NEB: variants seen among roughly 807,000 people sequenced by gnomAD.
NEB encodes nebulin.
A neutral mutation model predicts 952.2 loss-of-function variants in NEB; 512 were observed. The ratio of observed to expected loss-of-function variants is 0.54; its 90% CI spans 0.50 to 0.58. The LOEUF is 0.58. Ranked by LOEUF, NEB falls within the 20% of genes least tolerant of loss-of-function variation. The pLI is 0.00. For missense variants in NEB, 8,428 were observed against 9,231.1 expected (o/e 0.91, Z 3.56); for synonymous variants, 2,900 against 3,149.8 (o/e 0.92, Z 2.66).
intron 146 of NEB, 102 bp downstream of exon 146, chr2:151,529,108 A>G (rs931607854): frequency 2.4e-5 from 19 of 779,552 alleles, no homozygotes; most frequent in Middle Eastern, 4.5e-4. Context: ...TTTGGAATCA[A>G]TCACTAGAGC....
chr2:151,687,008 T>G (rs551346874), intron 27 of NEB, among the ~76,000 whole-genome samples: 1 of 152,226 alleles, frequency 6.6e-6, no homozygotes, highest in Non-Finnish European at 1.5e-5. Flanking sequence ...ATTACTAAAG[T>G]CAATGAAGAA....
rs199594449 is a variant in NEB, at chr2:151,565,117, T to C, written c.18398A>G (p.Lys6133Arg). 3.4e-4 allele frequency: 540 copies of C among 1,590,828 alleles called. No individual in the cohort carries two copies. Among genetic ancestry groups the C allele is most frequent in the Non-Finnish European group, 4.5e-4 (521 of 1,163,334 alleles). ...ATCTGGTGAAAACGTATATTTGCCCTTTGCTTTATTAAATGTTTCTTTATA... is the reference window on the plus strand; with the variant it reads ...ATCTGGTGAAAACGTATATTTGCCCCTTGCTTTATTAAATGTTTCTTTATA... ...VKYKETFNKAKGKYTFSPDTP... is the reference protein window; with the variant it reads ...VKYKETFNKARGKYTFSPDTP... The change falls in exon 117 of 182, where the codon AAG becomes AGG. Residue 6133 changes from lysine to arginine, a missense_variant. By Grantham distance (26) the Lys-to-Arg change is conservative. Coordinates refer to ENST00000397345, the MANE Select transcript of NEB (RefSeq NM_001164508.2).
intron 17 of NEB, among the ~76,000 whole-genome samples, chr2:151,695,888 G>A (rs2149309164): frequency 1.3e-5 from 2 of 152,236 alleles, no homozygotes; most frequent in Middle Eastern, 6.8e-3. Context: ...GGACCCTAAG[G>A]GAATGAGGTG....
At chr2:151,533,779 CTTACG>C (rs1003955037) in intron 142 of NEB, among the ~76,000 whole-genome samples, 25 of 152,208 alleles carry the variant, frequency 1.6e-4, no homozygotes, top group Non-Finnish European at 1.3e-4. Context: ...GCTAGTTTCA[CTTACG>C]TTACCACCAA....
chr2:151,690,469 C>A, intron 24 of NEB: 2 of 365,896 alleles, frequency 5.5e-6, no homozygotes, highest in East Asian at 5.9e-5. Flanking sequence ...TGTGACAGAT[C>A]CTAATGAATA....
Position 151,485,595 on chromosome 2 carries a change from A to T in NEB, c.*165T>A. 1 of 568,550 alleles carries T rather than the reference A, an allele frequency of 1.8e-6. No homozygotes were observed. Among genetic ancestry groups the T allele is most frequent in the South Asian group, 4.3e-5 (1 of 23,076 alleles). The allele number at this position is 568,550 out of a possible 1,614,324, so 35.2% of individuals were successfully genotyped here. On this transcript the variant is annotated 3_prime_UTR_variant, in exon 182 of 182. Coordinates refer to ENST00000397345, the MANE Select transcript of NEB (RefSeq NM_001164508.2). ...AAGCTTTTAAAGTGTCTGTTCTGCA[A>T]CTTATTTTAAAACCCAAAGGAGAAA...
intron 17 of NEB, among the ~76,000 whole-genome samples, chr2:151,696,209 G>A (rs2099594952): frequency 6.6e-6 from 1 of 152,102 alleles, no homozygotes; most frequent in African/African-American, 2.4e-5. Context: ...ACTAGGGAGA[G>A]AGAAATTCAT....
intron 80 of NEB, 123 bp from the exon 81 acceptor site, chr2:151,610,243 AT>A: frequency 2.4e-6 from 2 of 825,570 alleles, no homozygotes; most frequent in Non-Finnish European, 1.8e-6. Flanking sequence ...TCTCTGAACT[AT>A]TATATTTAAA....
Position 151,663,559 on chromosome 2 carries a change from T to C in NEB, c.5752A>G (p.Ile1918Val). 1 of 1,608,292 alleles carries C rather than the reference T, an allele frequency of 6.2e-7. No homozygotes were observed. The highest frequency in any genetic ancestry group is 1.1e-5 in the South Asian group (1 of 90,848). ...SFELAKNMMQ[I>V]QSDNQYKADY... Reference sequence around the variant, plus strand: ...TGGTTTTCACGTACATCACTTTGAATCTGCATCATATTTTTGGCCAATTCA... The same window carrying C: ...TGGTTTTCACGTACATCACTTTGAACCTGCATCATATTTTTGGCCAATTCA... Residue 1918 changes from isoleucine (I) to valine (V), a missense_variant, in exon 45 of 182, where the codon ATT becomes GTT. Coordinates refer to ENST00000397345, the MANE Select transcript of NEB (RefSeq NM_001164508.2).
chr2:151,529,201 G>T lies in NEB; in HGVS notation c.21735+9C>A. The T allele has an allele frequency of 6.3e-7, 1 of 1,590,448 alleles. No individual in the cohort carries two copies. Among genetic ancestry groups the T allele is most frequent in the Non-Finnish European group, 8.6e-7 (1 of 1,158,714 alleles). On this transcript the variant is annotated intron_variant, in intron 146 of 181. Coordinates refer to ENST00000397345, the MANE Select transcript of NEB (RefSeq NM_001164508.2). The stretch of plus-strand genomic sequence containing the variant: ...CCCCACCATGCTTGGGGAAGTTTCT[G>T]GAACTTACATTGGTGTTGACTTTGT...
intron 124 of NEB, among the ~76,000 whole-genome samples, chr2:151,555,639 T>C (rs2095602498): frequency 6.6e-6 from 1 of 152,142 alleles, no homozygotes; most frequent in Admixed American, 6.5e-5. Flanking sequence ...GAGACTAAGA[T>C]CCAATCTCAT....
chr2:151,531,763 A>C (rs2091212643), intron 144 of NEB, 29 bp downstream of exon 144: 2 of 1,529,308 alleles, frequency 1.3e-6, no homozygotes, highest in East Asian at 2.3e-5. Context: ...CCTGAGTTTG[A>C]GAAGGTATTC....
At chr2:151,664,210 G>T (rs1405836740) in intron 44 of NEB, among the ~76,000 whole-genome samples, 2 of 152,206 alleles carry the variant, frequency 1.3e-5, no homozygotes, top group African/African-American at 4.8e-5. Flanking sequence ...CTGGCCATGG[G>T]CCTCCTGGTA....
At chr2:151,639,426 G>C (rs1217279136) in intron 62 of NEB, 42 bp from the exon 63 acceptor site, 1 of 1,415,104 alleles carries the variant, frequency 7.1e-7, no homozygotes, top group East Asian at 2.5e-5. Context: ...AAAAAGTTCT[G>C]TGTATAGTTA....
chr2:151,508,056 CA>C lies in NEB; in HGVS notation c.23399del (p.Leu7800TrpfsTer44). On this transcript the variant is annotated frameshift_variant, in exon 162 of 182. Coordinates refer to ENST00000397345, the MANE Select transcript of NEB (RefSeq NM_001164508.2). LOFTEE classifies it high-confidence loss of function. The part of the protein sequence containing the change: ...EKSMSYYETV[L>X]DTPEIQRVRE... ...GGACTCTCTGTATCTCTGGGGTGTCCAAAACAGTCTCATAATACGACATGGA... is the reference window on the plus strand; with the variant it reads ...GGACTCTCTGTATCTCTGGGGTGTCCAAACAGTCTCATAATACGACATGGA... 6.2e-7 allele frequency: 1 copy of C among 1,611,184 alleles called. No individual in the cohort carries two copies. Among genetic ancestry groups the C allele is most frequent in the Non-Finnish European group, 8.5e-7 (1 of 1,178,604 alleles).
chr2:151,499,328 T>C lies in NEB; in HGVS notation c.24084A>G (p.Arg8028=), dbSNP rs2062684554. 6.5e-7 allele frequency: 1 copy of C among 1,537,990 alleles called. No homozygotes were observed. The highest frequency in any genetic ancestry group is 8.8e-7 in the Non-Finnish European group (1 of 1,139,216). ...IPIPITPEME[R]VKHNQENFSS... Reference sequence around the variant, plus strand: ...TAAAGTTTTCTTGATTGTGTTTGACTCTCTCCATCTCTGGAGTGATGGGGA... The same window carrying C: ...TAAAGTTTTCTTGATTGTGTTTGACCCTCTCCATCTCTGGAGTGATGGGGA... The change falls in exon 169 of 182, where the codon AGA becomes AGG. Residue 8028 remains arginine (R), a synonymous_variant. Transcript: ENST00000397345.
chr2:151,696,930 G>C (rs1189234630), intron 16 of NEB, among the ~76,000 whole-genome samples, 195 bp from the exon 17 acceptor site: 1 of 152,154 alleles, frequency 6.6e-6, no homozygotes, highest in Non-Finnish European at 1.5e-5. Flanking sequence ...ATATCTTCGG[G>C]TTTCCAATAA....
chr2:151,511,415 G>GA (rs1392228419), intron 161 of NEB, among the ~76,000 whole-genome samples: 1 of 152,110 alleles, frequency 6.6e-6, no homozygotes, highest in African/African-American at 2.4e-5. Context: ...GTAAAGGGTT[G>GA]AAATCCTTGA....
intron 85 of NEB, among the ~76,000 whole-genome samples, chr2:151,604,148 T>C (rs1469952796): frequency 8.4e-6 from 1 of 119,668 alleles, no homozygotes; most frequent in Non-Finnish European, 1.7e-5. Context: ...CTTAGATGTA[T>C]GCGTAATGAG....
Sources: allele counts gnomAD v4.1 joint callset (sites outside exome capture counted in the v4.1 genomes callset), GRCh38; gene constraint gnomAD v4.1.1; transcripts MANE v1.5; gene names NCBI Gene and HGNC (gene_info 2026-07-23, HGNC 2026-07-21).